Variants in CHIC1 observed in about 807,000 individuals in gnomAD.
CHIC1 encodes the protein cysteine-rich hydrophobic domain-containing protein 1.
Under a neutral mutation model 18.5 loss-of-function variants are expected in CHIC1, and 7 were observed. That is an observed-to-expected ratio of 0.38 (90% CI 0.22 to 0.71). CHIC1 has a LOEUF of 0.71. CHIC1 is among the 30% of genes least tolerant of loss of function. CHIC1 has a pLI of 0.49. For synonymous variants in CHIC1, 77 were observed against 73.5 expected (o/e 1.05, Z -0.25); for missense variants, 159 against 176.9 (o/e 0.90, Z 0.57).
Position 73,669,294 on chromosome X carries a change from G to A in CHIC1, c.508-10032G>A, listed in dbSNP as rs148660520. On this transcript the variant is annotated intron_variant, in intron 3 of 5. Transcript: ENST00000373502. ...AGGTTCCAGCAGGCATGGCTGAAAG[G>A]TCCTGCTGGGAGGTTCTGCCCAGTG... 4.4e-4 allele frequency among the ~76,000 whole-genome samples: 49 copies of A among 111,831 alleles called. No homozygotes were observed. The East Asian group carries it at 0.013, about 29-fold the overall frequency.
At chrX:73,618,595 C>T (rs2057744311) in intron 3 of CHIC1, among the ~76,000 whole-genome samples, 1 of 111,724 alleles carries the variant, frequency 9.0e-6, no homozygotes, top group Non-Finnish European at 1.9e-5. Flanking sequence ...TCCCATGCAG[C>T]CCAAAAGGCT....
rs1388676913 is a variant in CHIC1, at chrX:73,683,854, T to C, written c.*2849T>C. The stretch of plus-strand genomic sequence containing the variant: ...ACATGTTTATTCCTAATAACTAATA[T>C]GGGCAAGTGTTATTTACAGATTTAT... On this transcript the variant is annotated 3_prime_UTR_variant, in exon 6 of 6. Transcript: ENST00000373502. 1 of 111,916 alleles carries C rather than the reference T, an allele frequency of 8.9e-6. No individual in the cohort carries two copies. The highest frequency in any genetic ancestry group is 3.2e-5 in the African/African-American group (1 of 30,843). The allele number at this position is 111,916 out of a possible 1,213,427, so 9.2% of individuals were successfully genotyped here. A position where few individuals can be genotyped will look rare whatever the true frequency, so the allele number is the denominator to read the frequency against.
At chrX:73,661,362 G>T (rs972084315) in intron 3 of CHIC1, among the ~76,000 whole-genome samples, 7 of 112,001 alleles carry the variant, frequency 6.2e-5, no homozygotes, top group Admixed American at 4.7e-4. Context: ...AGTCCTCTAG[G>T]GTTAACACCT....
chrX:73,640,628 G>A (rs1313157987), intron 3 of CHIC1, among the ~76,000 whole-genome samples: 1 of 111,612 alleles, frequency 9.0e-6, no homozygotes, highest in African/African-American at 3.3e-5. Flanking sequence ...AAATTTTCTT[G>A]TTTGTGTGTA....
chrX:73,642,437 A>C (rs2057861998), intron 3 of CHIC1, among the ~76,000 whole-genome samples: 1 of 110,193 alleles, frequency 9.1e-6, no homozygotes, highest in Non-Finnish European at 1.9e-5. Flanking sequence ...TCAGATGAGT[A>C]GGTTGCGAAA....
At chrX:73,662,202 C>T (rs746620670) in intron 3 of CHIC1, among the ~76,000 whole-genome samples, 5 of 109,850 alleles carry the variant, frequency 4.6e-5, no homozygotes, top group Non-Finnish European at 7.6e-5. Flanking sequence ...GGCAATACTG[C>T]TTCGAATTGC....
At chrX:73,577,904 G>A (rs2057508150) in intron 2 of CHIC1, among the ~76,000 whole-genome samples, 1 of 109,598 alleles carries the variant, frequency 9.1e-6, no homozygotes, top group African/African-American at 3.3e-5. Flanking sequence ...GTTGGAGTTG[G>A]TAAGATTGGA....
intron 3 of CHIC1, among the ~76,000 whole-genome samples, chrX:73,607,554 G>C (rs1333087957): frequency 9.2e-6 from 1 of 108,423 alleles, no homozygotes; most frequent in Non-Finnish European, 1.9e-5. Context: ...TCTGCAACTA[G>C]CTCAATGTCT....
intron 2 of CHIC1, among the ~76,000 whole-genome samples, chrX:73,580,920 C>G (rs753810016): frequency 1.1e-3 from 122 of 111,077 alleles, no homozygotes; most frequent in Non-Finnish European, 1.9e-3. Flanking sequence ...TGTGTTAATG[C>G]TTTTAATGCA....
chrX:73,677,724 A>G (rs995404488), intron 3 of CHIC1, among the ~76,000 whole-genome samples: 19 of 112,144 alleles, frequency 1.7e-4, no homozygotes, highest in African/African-American at 5.8e-4. Context: ...CGGCTCGCAC[A>G]CGGTGCGCTG....
chrX:73,604,113 A>G (rs2057666926), intron 3 of CHIC1, among the ~76,000 whole-genome samples: 1 of 106,738 alleles, frequency 9.4e-6, no homozygotes, highest in South Asian at 4.0e-4. Context: ...GGTAGAATTC[A>G]GCTGTGAATC....
At chrX:73,599,401 C>T (rs1348305951) in intron 3 of CHIC1, among the ~76,000 whole-genome samples, 1 of 89,091 alleles carries the variant, frequency 1.1e-5, no homozygotes, top group Non-Finnish European at 2.1e-5. Context: ...ACATGAAGTC[C>T]TTGCCCATGC....
At chrX:73,596,544 A>G (rs2057609904) in intron 3 of CHIC1, among the ~76,000 whole-genome samples, 1 of 111,882 alleles carries the variant, frequency 8.9e-6, no homozygotes, top group Admixed American at 9.5e-5. Flanking sequence ...TTTCATATAG[A>G]ACTCAAAAAG....
At chrX:73,664,116 A>G (rs2057993642) in intron 3 of CHIC1, among the ~76,000 whole-genome samples, 1 of 111,308 alleles carries the variant, frequency 9.0e-6, no homozygotes, top group African/African-American at 3.3e-5. Context: ...CTGACCGAGG[A>G]AAGCCACTGG....
intron 3 of CHIC1, among the ~76,000 whole-genome samples, chrX:73,606,978 G>T (rs1314795899): frequency 2.8e-5 from 3 of 109,019 alleles, no homozygotes; most frequent in African/African-American, 1.1e-4. Context: ...ACTTGAGGAG[G>T]CAGTCTTTCC....
intron 3 of CHIC1, among the ~76,000 whole-genome samples, chrX:73,616,457 C>T (rs1007530994): frequency 8.9e-6 from 1 of 111,831 alleles, no homozygotes; most frequent in Admixed American, 9.4e-5. Flanking sequence ...GGACAATGGC[C>T]CTCTTCTCAC....
Position 73,595,994 on chromosome X carries a change from T to A in CHIC1, c.507+11422T>A, listed in dbSNP as rs192525944. 3.1e-4 allele frequency among the ~76,000 whole-genome samples: 35 copies of A among 111,990 alleles called. No homozygotes were observed. The Admixed American group carries it at 3.1e-3, about 10-fold the overall frequency. ...TCTTCTTTTGAGAAATGTCTGTTCA[T>A]ATTCTTTGCCCACTTTTTGATGGGG... On this transcript the variant is annotated intron_variant, in intron 3 of 5. Transcript: ENST00000373502.
chrX:73,604,321 T>C (rs764118943), intron 3 of CHIC1, among the ~76,000 whole-genome samples: 7 of 105,817 alleles, frequency 6.6e-5, no homozygotes, highest in African/African-American at 2.6e-4. Context: ...TATTCTCTGA[T>C]GGTAGTTTGT....
intron 3 of CHIC1, among the ~76,000 whole-genome samples, chrX:73,590,448 G>A (rs1339915711): frequency 2.7e-5 from 3 of 110,850 alleles, no homozygotes; most frequent in Non-Finnish European, 3.8e-5. Flanking sequence ...CAATTGATGA[G>A]CCAATATTGA....
Sources: allele counts gnomAD v4.1 joint callset (sites outside exome capture counted in the v4.1 genomes callset), GRCh38; gene constraint gnomAD v4.1.1; transcripts MANE v1.5; gene names NCBI Gene and HGNC (gene_info 2026-07-23, HGNC 2026-07-21).